GIT2: variants seen among roughly 807,000 people sequenced by gnomAD.
The protein encoded by GIT2 is ARF GTPase-activating protein GIT2.
Under a neutral mutation model 100.3 loss-of-function variants are expected in GIT2, and 32 were observed. The observed-to-expected ratio is 0.32, with a 90% confidence interval of 0.24 to 0.43. The LOEUF (loss-of-function observed/expected upper bound fraction) is 0.43, where lower values mean the gene tolerates loss of function less well. Among genes scored for constraint, GIT2 ranks in the 20% least tolerant of loss-of-function variants. The pLI, the probability that GIT2 is intolerant of heterozygous loss-of-function variation, is 1.00. For missense variants in GIT2, 737 were observed against 975.1 expected (o/e 0.76, Z 3.25); for synonymous variants, 353 against 364.1 (o/e 0.97, Z 0.35).
intron 6 of GIT2, chr12:109,981,747 G>T (rs143522338): frequency 2.6e-4 from 40 of 152,294 alleles, no homozygotes; most frequent in African/African-American, 9.6e-4. Flanking sequence ...ATTATTATAT[G>T]CAAGGTACAA....
intron 13 of GIT2, 155 bp downstream of exon 13, chr12:109,952,937 G>A (rs1375782619): frequency 1.5e-6 from 1 of 664,184 alleles, no homozygotes; most frequent in African/African-American, 1.8e-5. Context: ...CTGTGATGCA[G>A]GGACAAGGAT....
At chr12:110,000,058 C>T (rs980650744), upstream of GIT2, among the ~76,000 whole-genome samples, 1 of 152,198 alleles carries the variant, frequency 6.6e-6, no homozygotes, top group Non-Finnish European at 1.5e-5. Flanking sequence ...GGTCCTCAGA[C>T]GCTACGTGCC....
At chr12:109,977,578 C>T (rs963708917) in intron 7 of GIT2, among the ~76,000 whole-genome samples, 1 of 151,776 alleles carries the variant, frequency 6.6e-6, no homozygotes. Context: ...AGTCCCAGCC[C>T]TTTGGGAAGC....
At chr12:109,979,890 T>G (rs1217954510) in intron 7 of GIT2, among the ~76,000 whole-genome samples, 1 of 152,190 alleles carries the variant, frequency 6.6e-6, no homozygotes, top group Admixed American at 6.5e-5. Context: ...TATGTGAATG[T>G]TGTACATCAG....
At position 109,945,343 on chromosome 12, in the gene GIT2, T is replaced by C; in HGVS notation, c.1648A>G (p.Arg550Gly). 1 of 1,495,220 alleles carries C rather than the reference T, an allele frequency of 6.7e-7. No individual in the cohort carries two copies. Among genetic ancestry groups the C allele is most frequent in the South Asian group, 1.1e-5 (1 of 88,234 alleles). The allele number at this position is 1,495,220 out of a possible 1,614,324, so 92.6% of individuals were successfully genotyped here. A position where few individuals can be genotyped will look rare whatever the true frequency, so the allele number is the denominator to read the frequency against. Residue 550 changes from arginine to glycine, a missense_variant, in exon 16 of 20, where the codon AGG (arginine) becomes GGG (glycine). Arg to Gly is a moderately radical substitution (Grantham distance 125, BLOSUM62 -2). This residue lies in a region of GIT2 where 451 missense variants were observed against 543.7 expected (regional missense o/e 0.83). Coordinates refer to ENST00000355312, the MANE Select transcript of GIT2 (RefSeq NM_057169.5). ...GAAGAGGAGGTCACAAGTGCACTCC[T>C]CCCGATCTGGAATGGGAAAGAGAAA... ...RLQPFPAHIG[R>G]SALVTSSSSL...
At position 109,962,027 on chromosome 12, in the gene GIT2, A is replaced by C. The variant is rs1287726631; in HGVS notation, c.817-342T>G. ...TCCTTTTCTGCACTTAAAAGTGCTT[A>C]TCAGTTCCCCAAAGTATAAGGGAAC... On this transcript the variant is annotated intron_variant, in intron 9 of 19. Coordinates refer to ENST00000355312, the MANE Select transcript of GIT2 (RefSeq NM_057169.5). The surrounding 1 kb of genome is among the most constrained non-coding windows in gnomAD (Gnocchi z 4.3). 6.6e-6 allele frequency among the ~76,000 whole-genome samples: 1 copy of C among 152,214 alleles called. No individual in the cohort carries two copies. The highest frequency in any genetic ancestry group is 2.4e-5 in the African/African-American group (1 of 41,456).
At chr12:109,991,817 G>A in intron 1 of GIT2, 57 bp from the exon 2 acceptor site, 1 of 1,468,276 alleles carries the variant, frequency 6.8e-7, no homozygotes, top group Non-Finnish European at 9.4e-7. Context: ...TATACCGCCA[G>A]ATGGCAAAAG....
intron 12 of GIT2, among the ~76,000 whole-genome samples, chr12:109,954,759 C>A (rs140397166): frequency 5.5e-4 from 84 of 151,850 alleles, no homozygotes; most frequent in African/African-American, 1.9e-3. Context: ...ATTAGCTGGG[C>A]GTGGTGGTGC....
At chr12:109,965,200 C>T (rs934909397) in intron 9 of GIT2, among the ~76,000 whole-genome samples, 10 of 152,324 alleles carry the variant, frequency 6.6e-5, no homozygotes, top group Admixed American at 2.0e-4. Flanking sequence ...ACCCCAAGAA[C>T]GCGTGCCCTA....
chr12:109,993,969 T>C (rs1384869207), intron 1 of GIT2, among the ~76,000 whole-genome samples: 1 of 151,524 alleles, frequency 6.6e-6, no homozygotes, highest in Non-Finnish European at 1.5e-5. Context: ...CTGTCGCTAT[T>C]ACTGTATCAT....
intron 1 of GIT2, among the ~76,000 whole-genome samples, chr12:109,995,599 C>G (rs531129833): frequency 6.6e-6 from 1 of 152,278 alleles, no homozygotes; most frequent in East Asian, 1.9e-4. Context: ...CGTTCAGATC[C>G]TCAAACTTGA....
At chr12:109,979,378 C>A (rs1037934814) in intron 7 of GIT2, among the ~76,000 whole-genome samples, 2 of 144,468 alleles carry the variant, frequency 1.4e-5, no homozygotes, top group Non-Finnish European at 3.0e-5. Context: ...TGGGTTCAAG[C>A]AATTCTGCCT....
At chr12:109,993,644 G>C (rs1888813996) in intron 1 of GIT2, among the ~76,000 whole-genome samples, 1 of 152,190 alleles carries the variant, frequency 6.6e-6, no homozygotes, top group African/African-American at 2.4e-5. Context: ...ACATAGTAAA[G>C]TAGTAATGTT....
intron 15 of GIT2, among the ~76,000 whole-genome samples, chr12:109,946,185 G>A (rs968962815): frequency 2.0e-5 from 3 of 152,134 alleles, no homozygotes; most frequent in African/African-American, 7.2e-5. Flanking sequence ...TACATCAAAT[G>A]TATCAAATCA....
intron 16 of GIT2, among the ~76,000 whole-genome samples, chr12:109,942,245 A>G (rs1327548522): frequency 6.6e-6 from 1 of 152,218 alleles, no homozygotes; most frequent in Non-Finnish European, 1.5e-5. Flanking sequence ...TTATACTGAA[A>G]AATTTGCCCA....
intron 8 of GIT2, 114 bp downstream of exon 8, chr12:109,967,343 TA>T: frequency 6.3e-7 from 1 of 1,595,810 alleles, no homozygotes; most frequent in South Asian, 1.1e-5. Flanking sequence ...GGTATAGCCA[TA>T]AAAGAGAAAA....
chr12:109,996,877 G>GC (rs1889506943), upstream of GIT2, among the ~76,000 whole-genome samples: 1 of 151,870 alleles, frequency 6.6e-6, no homozygotes, highest in Non-Finnish European at 1.5e-5. Flanking sequence ...AGGAGTTCGA[G>GC]ACCAGCCTGG....
chr12:109,943,633 C>T (rs960990268), intron 16 of GIT2, among the ~76,000 whole-genome samples: 15 of 151,200 alleles, frequency 9.9e-5, no homozygotes, highest in African/African-American at 3.4e-4. Flanking sequence ...TGCACCCAGC[C>T]GAGACTTTAA....
At chr12:109,999,872 C>T (rs931434314), upstream of GIT2, 9 of 1,240,882 alleles carry the variant, frequency 7.3e-6, no homozygotes, top group African/African-American at 1.6e-5. This position sits in a 1 kb window ranked among gnomAD's most constrained non-coding sequence, Gnocchi z 4.3. Flanking sequence ...TTCCAGCCCT[C>T]TGTCCCCGGG....
Sources: gnomAD v4.1 joint callset for allele counts (sites outside exome capture counted in the v4.1 genomes callset) on GRCh38, gnomAD v4.1.1 for gene constraint, gnomAD v4.1.1 regional missense constraint, Gnocchi (gnomAD v3.1) non-coding constraint, MANE v1.5 for transcripts, NCBI Gene and HGNC (gene_info 2026-07-23, HGNC 2026-07-21) for gene names.